The following NAALADL2 variants were observed in gnomAD, a reference collection of about 807,000 sequenced individuals.
NAALADL2 encodes N-acetylated alpha-linked acidic dipeptidase like 2, also known as inactive N-acetylated-alpha-linked acidic dipeptidase-like protein 2.
Under a neutral mutation model 87.2 loss-of-function variants are expected in NAALADL2, and 76 were observed. The ratio of observed to expected loss-of-function variants is 0.87; its 90% CI spans 0.72 to 1.05. NAALADL2 has a LOEUF of 1.05. Among genes scored for constraint, NAALADL2 ranks in the 50% least tolerant of loss-of-function variants. The pLI is 0.00. For synonymous variants in NAALADL2, 354 were observed against 331.0 expected, an observed-to-expected ratio of 1.07 and a Z score of -0.75; for missense variants, 1,089 against 945.8, an observed-to-expected ratio of 1.15 and a Z score of -1.99.
rs536409122 is a variant in NAALADL2, at chr3:175,325,424, G to A, written c.1090+1099G>A. Reference sequence around the variant, plus strand: ...ACTTTGTACAGTCCCATGTCTTATCGTTACAATTTTAAGTTAGAATTAGTA... The same window carrying A: ...ACTTTGTACAGTCCCATGTCTTATCATTACAATTTTAAGTTAGAATTAGTA... On this transcript the variant is annotated intron_variant, in intron 5 of 13. Coordinates refer to ENST00000454872, the MANE Select transcript of NAALADL2 (RefSeq NM_207015.3). 5.9e-5 allele frequency among the ~76,000 whole-genome samples: 9 copies of A among 152,140 alleles called. No homozygotes were observed. The East Asian group carries it at 7.7e-4, about 13-fold the overall frequency.
At chr3:175,351,731 A>T (rs1265200344) in intron 5 of NAALADL2, among the ~76,000 whole-genome samples, 2 of 152,062 alleles carry the variant, frequency 1.3e-5, no homozygotes, top group Non-Finnish European at 2.9e-5. Flanking sequence ...GGTACAACTT[A>T]TCTAAACAAT....
chr3:175,018,163 C>T (rs1173401466), intron 1 of NAALADL2, among the ~76,000 whole-genome samples: 2 of 151,976 alleles, frequency 1.3e-5, no homozygotes, highest in African/African-American at 4.8e-5. Context: ...TAAAGATGTA[C>T]AGGGATGACT....
At position 175,646,289 on chromosome 3, in the gene NAALADL2, T is replaced by A. The variant is rs888452373; in HGVS notation, c.1896+18903T>A. Among the ~76,000 whole-genome samples, 3 of 152,068 alleles carry A rather than the reference T, an allele frequency of 2.0e-5. No homozygotes were observed. In the South Asian group the frequency reaches 6.2e-4, roughly 32 times the overall value. On this transcript the variant is annotated intron_variant, in intron 11 of 13. Coordinates refer to ENST00000454872, the MANE Select transcript of NAALADL2 (RefSeq NM_207015.3). ...TTACTTTTAAATATTATAATTAATA[T>A]TTAAACAATAAGAACATGTTCCTAC... is the stretch of plus-strand genomic sequence containing the variant.
chr3:174,659,971 A>G (rs540632773), intron 2 of NAALADL2, among the ~76,000 whole-genome samples: 2 of 152,240 alleles, frequency 1.3e-5, no homozygotes, highest in African/African-American at 4.8e-5. Flanking sequence ...AACAGTTCAT[A>G]TTCAGTTTTT....
At chr3:175,578,491 A>G (rs1719243003) in intron 10 of NAALADL2, among the ~76,000 whole-genome samples, 1 of 152,130 alleles carries the variant, frequency 6.6e-6, no homozygotes, top group South Asian at 2.1e-4. Context: ...CTTATTTACC[A>G]CTTATTGAGT....
intron 12 of NAALADL2, among the ~76,000 whole-genome samples, chr3:175,747,943 T>C (rs568976332): frequency 3.1e-4 from 47 of 152,288 alleles, no homozygotes; most frequent in South Asian, 2.1e-4. Flanking sequence ...GGAAGTCTTA[T>C]TAGATTTGCA....
At chr3:175,800,284 C>T (rs1753996200) in intron 13 of NAALADL2, among the ~76,000 whole-genome samples, 1 of 151,830 alleles carries the variant, frequency 6.6e-6, no homozygotes, top group African/African-American at 2.4e-5. Context: ...TTGCTCACAA[C>T]CCTCTTGCTA....
At chr3:175,329,242 T>G (rs1454975145) in intron 5 of NAALADL2, among the ~76,000 whole-genome samples, 1 of 152,216 alleles carries the variant, frequency 6.6e-6, no homozygotes, top group African/African-American at 2.4e-5. Context: ...TTTTTCCTTT[T>G]TATTTGTTTT....
Position 175,086,298 on chromosome 3 carries a change from A to T in NAALADL2, c.44-10492A>T, listed in dbSNP as rs905130075. 8.5e-5 allele frequency among the ~76,000 whole-genome samples: 13 copies of T among 152,316 alleles called. No homozygotes were observed. The East Asian group carries it at 2.5e-3, about 29-fold the overall frequency. On this transcript the variant is annotated intron_variant, in intron 1 of 13. Coordinates refer to ENST00000454872, the MANE Select transcript of NAALADL2 (RefSeq NM_207015.3). ...CAGTTATTTTATTATTTTAAAATGG[A>T]TGCCTTAGATATCAACAGTGAAACT...
chr3:174,495,585 A>G (rs529838793), intron 1 of NAALADL2, among the ~76,000 whole-genome samples: 48 of 151,496 alleles, frequency 3.2e-4, no homozygotes, highest in Admixed American at 5.3e-4. Context: ...AGGCTGCCAG[A>G]ACACATATAT....
upstream of NAALADL2, among the ~76,000 whole-genome samples, chr3:174,854,727 A>G (rs1294753302): frequency 6.6e-6 from 1 of 152,122 alleles, no homozygotes; most frequent in Non-Finnish European, 1.5e-5. Context: ...AAACTTTAAA[A>G]GAATAAAATA....
intron 2 of NAALADL2, among the ~76,000 whole-genome samples, chr3:174,608,392 A>G (rs1446498442): frequency 6.6e-6 from 1 of 152,042 alleles, no homozygotes. Context: ...GTTTTTTGAA[A>G]GGATCAACAA....
chr3:174,639,899 G>GT (rs1405875454), intron 2 of NAALADL2, among the ~76,000 whole-genome samples: 2 of 152,008 alleles, frequency 1.3e-5, no homozygotes, highest in African/African-American at 4.8e-5. Flanking sequence ...ACTTAATCGA[G>GT]TTTTTTTAAG....
chr3:175,697,250 T>A (rs1348303428), intron 11 of NAALADL2, among the ~76,000 whole-genome samples: 6 of 152,064 alleles, frequency 3.9e-5, no homozygotes, highest in African/African-American at 9.7e-5. Flanking sequence ...ATAGGAGCAG[T>A]AGAATACTAA....
intron 11 of NAALADL2, among the ~76,000 whole-genome samples, chr3:175,728,787 G>A (rs983777861): frequency 9.2e-5 from 14 of 152,134 alleles, no homozygotes; most frequent in African/African-American, 3.4e-4. Context: ...CTGAATCATG[G>A]CCATATGGCT....
chr3:175,569,933 T>C (rs1439439650), intron 9 of NAALADL2, among the ~76,000 whole-genome samples: 1 of 152,044 alleles, frequency 6.6e-6, no homozygotes, highest in Admixed American at 6.6e-5. Context: ...TGTGTGTGTA[T>C]TTGTAGATAT....
At chr3:175,164,291 GGC>G (rs899040938) in intron 2 of NAALADL2, among the ~76,000 whole-genome samples, 3 of 151,064 alleles carry the variant, frequency 2.0e-5, no homozygotes, top group Non-Finnish European at 3.0e-5. Flanking sequence ...ATATATATAT[GGC>G]ACATAATAAA....
chr3:175,717,911 G>C (rs1741572226), intron 11 of NAALADL2, among the ~76,000 whole-genome samples: 2 of 149,432 alleles, frequency 1.3e-5, no homozygotes, highest in African/African-American at 4.9e-5. Flanking sequence ...CCGGGCTCAA[G>C]AGATTCTGTT....
intron 2 of NAALADL2, among the ~76,000 whole-genome samples, chr3:174,649,006 T>C (rs77834037): frequency 0.015 from 2,312 of 152,180 alleles, 62 homozygotes; most frequent in African/African-American, 0.053. Flanking sequence ...TTCACTCTTA[T>C]CGCCCAGGAA....
Sources: allele counts gnomAD v4.1 joint callset (sites outside exome capture counted in the v4.1 genomes callset), GRCh38; gene constraint gnomAD v4.1.1; transcripts MANE v1.5; gene names NCBI Gene and HGNC (gene_info 2026-07-23, HGNC 2026-07-21).